The following ZMPSTE24 variants were observed in gnomAD, a reference collection of about 807,000 sequenced individuals.
ZMPSTE24 encodes the protein CAAX prenyl protease 1 homolog.
A neutral mutation model predicts 56.7 loss-of-function variants in ZMPSTE24; 48 were observed. That is an observed-to-expected ratio of 0.85 (90% CI 0.67 to 1.08). ZMPSTE24 has a LOEUF of 1.08. Ranked by LOEUF, ZMPSTE24 falls within the 50% of genes least tolerant of loss-of-function variation. The pLI, the probability that ZMPSTE24 is intolerant of heterozygous loss-of-function variation, is 0.00. For synonymous variants in ZMPSTE24, 172 were observed against 195.2 expected (o/e 0.88, Z 0.99); for missense variants, 503 against 548.7 (o/e 0.92, Z 0.83).
intron 8 of ZMPSTE24, among the ~76,000 whole-genome samples, chr1:40,287,276 C>G: frequency 6.6e-6 from 1 of 151,886 alleles, no homozygotes; most frequent in East Asian, 2.0e-4. Flanking sequence ...ACTATGTTGT[C>G]CAGGCTGGTC....
At chr1:40,281,820 T>C (rs1643733457) in intron 7 of ZMPSTE24, among the ~76,000 whole-genome samples, 1 of 152,008 alleles carries the variant, frequency 6.6e-6, no homozygotes, top group Non-Finnish European at 1.5e-5. Flanking sequence ...TATATATATA[T>C]GTGTGTGTAT....
chr1:40,290,316 C>T lies in ZMPSTE24; in HGVS notation c.1060-538C>T, dbSNP rs140652908. Among the ~76,000 whole-genome samples, 645 of 150,832 alleles carry T rather than the reference C, an allele frequency of 4.3e-3. 6 individuals are homozygous for T. Among genetic ancestry groups the T allele is most frequent in the African/African-American group, 0.015 (605 of 41,152 alleles). ...AGGGGAATGGCGTGAACATGGGAGG[C>T]GGAGCTTGCAGTGAGCCGAGATCGT... is the stretch of plus-strand genomic sequence containing the variant. On this transcript the variant is annotated intron_variant, in intron 8 of 9. Transcript: ENST00000372759.
Position 40,268,534 on chromosome 1 carries a change from A to G in ZMPSTE24, c.473A>G (p.Gln158Arg), listed in dbSNP as rs756072440. ...VIEEKHGFNQ[Q>R]TLGFFMKDAI... is the part of the protein sequence containing the mutation. ...GAAGAAAAACATGGCTTCAATCAAC[A>G]GGTATAATAAAGAATACAAATGTTC... The change falls in exon 4 of 10, where the codon CAG becomes CGG. Residue 158 changes from glutamine to arginine, a missense_variant and splice_region_variant. By Grantham distance (43) the Gln-to-Arg change is conservative (BLOSUM62 1). Transcript: ENST00000372759. 3.2e-6 allele frequency: 5 copies of G among 1,569,670 alleles called. No individual in the cohort carries two copies. Among genetic ancestry groups the G allele is most frequent in the Non-Finnish European group, 4.4e-6 (5 of 1,142,002 alleles).
At chr1:40,278,039 AAC>A (rs1643688181) in intron 6 of ZMPSTE24, among the ~76,000 whole-genome samples, 1 of 152,052 alleles carries the variant, frequency 6.6e-6, no homozygotes, top group Non-Finnish European at 1.5e-5. Context: ...TTCAAAGGGT[AAC>A]ACAGACAAAA....
chr1:40,272,758 A>C (rs768192854), intron 6 of ZMPSTE24, among the ~76,000 whole-genome samples: 11 of 152,248 alleles, frequency 7.2e-5, no homozygotes, highest in Non-Finnish European at 1.3e-4. Flanking sequence ...CAGAATTTAT[A>C]AAGTCCATAT....
intron 9 of ZMPSTE24, 74 bp from the exon 10 acceptor site, chr1:40,292,371 G>A: frequency 6.9e-7 from 1 of 1,445,996 alleles, no homozygotes; most frequent in Non-Finnish European, 9.7e-7. Context: ...CTTCTCTACA[G>A]TCTCAGCTCA....
intron 7 of ZMPSTE24, among the ~76,000 whole-genome samples, chr1:40,283,241 T>C (rs1198894356): frequency 1.3e-5 from 2 of 152,202 alleles, no homozygotes; most frequent in Non-Finnish European, 2.9e-5. Context: ...CTGTGGCCCA[T>C]ACCTGTAATC....
In ZMPSTE24 at chr1:40,267,797, C is replaced by T. The variant is rs768700800; in HGVS notation, c.282C>T (p.Leu94=). ...GCTTTGTTTTATAGCTTATTCTTCT[C>T]TTTGGAGGAATACCTTATCTCTGGA... ...YSETEGTLIL[L]FGGIPYLWRL... Residue 94 remains leucine (L), a synonymous_variant, in exon 3 of 10, where the codon CTC becomes CTT. Coordinates refer to ENST00000372759, the MANE Select transcript of ZMPSTE24 (RefSeq NM_005857.5). 1.2e-6 allele frequency: 2 copies of T among 1,612,618 alleles called. No individual in the cohort carries two copies. Among genetic ancestry groups the T allele is most frequent in the African/African-American group, 1.3e-5 (1 of 74,862 alleles).
At position 40,263,789 on chromosome 1, in the gene ZMPSTE24, A is replaced by G. The variant is rs1643521681; in HGVS notation, c.270+2804A>G. On this transcript the variant is annotated intron_variant, in intron 2 of 9. Transcript: ENST00000372759. ...TACCTGAGGGAACCTAAATAGAGTC[A>G]TTGTGTGGCCATTTATGGTTGCCAC... Among the ~76,000 whole-genome samples the G allele has an allele frequency of 2.8e-5, 4 of 145,356 alleles. No individual in the cohort carries two copies. In the Admixed American group the frequency reaches 2.8e-4, roughly 10 times the overall value.
intron 1 of ZMPSTE24, among the ~76,000 whole-genome samples, chr1:40,260,637 A>G (rs1467828938): frequency 6.6e-6 from 1 of 152,236 alleles, no homozygotes; most frequent in Admixed American, 6.5e-5. Flanking sequence ...TTTACCAGTC[A>G]GGTCACCTCA....
Position 40,292,553 on chromosome 1 carries a change from C to T in ZMPSTE24, c.1312C>T (p.Leu438Phe), listed in dbSNP as rs116771294. Residue 438 changes from leucine to phenylalanine, a missense_variant, in exon 10 of 10, where the codon CTT (leucine) becomes TTT (phenylalanine). Transcript: ENST00000372759. ...AGACTTATATTCTGCTTTAATCAAA[C>T]TTAACAAAGATAACTTGGGATTCCC... Reference protein sequence around the residue: ...AKDLYSALIKLNKDNLGFPVS... With the variant: ...AKDLYSALIKFNKDNLGFPVS... The T allele has an allele frequency of 5.9e-5, 95 of 1,614,150 alleles. 1 individual carries two copies. The East Asian group carries it at 1.6e-3, about 27-fold the overall frequency.
chr1:40,273,841 A>C (rs1394932120), intron 6 of ZMPSTE24, among the ~76,000 whole-genome samples: 1 of 152,000 alleles, frequency 6.6e-6, no homozygotes, highest in Non-Finnish European at 1.5e-5. Flanking sequence ...AATAATAGTT[A>C]ATGCTATGAC....
intron 6 of ZMPSTE24, among the ~76,000 whole-genome samples, chr1:40,276,176 A>G (rs1643668987): frequency 6.6e-6 from 1 of 152,246 alleles, no homozygotes; most frequent in African/African-American, 2.4e-5. Context: ...GACTACACAC[A>G]AGAATACAAA....
chr1:40,261,773 G>A (rs182897776), intron 2 of ZMPSTE24, among the ~76,000 whole-genome samples: 1 of 152,178 alleles, frequency 6.6e-6, no homozygotes, highest in East Asian at 1.9e-4. Context: ...GCAGTCGCAC[G>A]ATCTTGGCTC....
intron 8 of ZMPSTE24, among the ~76,000 whole-genome samples, chr1:40,287,052 A>G (rs1473609076): frequency 2.1e-5 from 3 of 141,550 alleles, no homozygotes; most frequent in Admixed American, 7.1e-5. Flanking sequence ...TTTTTAAAAA[A>G]CATTTTTTTC....
At chr1:40,276,563 GT>G (rs1557777811) in intron 6 of ZMPSTE24, among the ~76,000 whole-genome samples, 1 of 152,208 alleles carries the variant, frequency 6.6e-6, no homozygotes, top group African/African-American at 2.4e-5. Context: ...TTTGTAGAAT[GT>G]TTTTGTTTTT....
At position 40,270,111 on chromosome 1, in the gene ZMPSTE24, C is replaced by T. The variant is rs376605914; in HGVS notation, c.611C>T (p.Thr204Ile). ...TTTTTTATTTATGCCTGGCTGTTCA[C>T]ATTAGTTGTGTCTCTGGTGAGTAAA... ...DYFFIYAWLF[T>I]LVVSLVLVTI... The change falls in exon 5 of 10, where the codon ACA becomes ATA. Residue 204 changes from threonine (T) to isoleucine (I), a missense_variant. Thr to Ile is a moderately conservative substitution (Grantham distance 89). Transcript: ENST00000372759. The T allele has an allele frequency of 1.4e-5, 23 of 1,613,764 alleles. No individual in the cohort carries two copies. The highest frequency in any genetic ancestry group is 1.9e-5 in the Non-Finnish European group (23 of 1,179,926).
chr1:40,263,824 A>G (rs2124577656), intron 2 of ZMPSTE24, among the ~76,000 whole-genome samples: 2 of 150,874 alleles, frequency 1.3e-5, no homozygotes, highest in Middle Eastern at 3.4e-3. Flanking sequence ...CTGTTCACAT[A>G]AATATGACAC....
rs563430476 is a variant in ZMPSTE24 at position 40,284,620 on chromosome 1, C to T, written c.955-1305C>T. 3.9e-5 allele frequency among the ~76,000 whole-genome samples: 6 copies of T among 152,144 alleles called. No homozygotes were observed. The South Asian group carries it at 8.3e-4, about 21-fold the overall frequency. On this transcript the variant is annotated intron_variant, in intron 7 of 9. Transcript: ENST00000372759. Reference sequence around the variant, plus strand: ...TACAAAAATTAGCCGGGTGTGGTGGCATGCGCCTGTAATCCCAGCTACTCA... The same window carrying T: ...TACAAAAATTAGCCGGGTGTGGTGGTATGCGCCTGTAATCCCAGCTACTCA...
Sources: gnomAD v4.1 joint callset for allele counts (sites outside exome capture counted in the v4.1 genomes callset) on GRCh38, gnomAD v4.1.1 for gene constraint, MANE v1.5 for transcripts, NCBI Gene and HGNC (gene_info 2026-07-23, HGNC 2026-07-21) for gene names.